Variants in NRXN1 observed in about 807,000 individuals in gnomAD.
NRXN1 encodes neurexin 1, also known as neurexin-1.
Under a neutral mutation model 150.9 loss-of-function variants are expected in NRXN1, and 39 were observed. That is an observed-to-expected ratio of 0.26 (90% CI 0.20 to 0.34). The LOEUF is 0.34. Among genes scored for constraint, NRXN1 ranks in the 10% least tolerant of loss-of-function variants. The pLI is 1.00. For synonymous variants in NRXN1, 924 were observed against 757.0 expected, an observed-to-expected ratio of 1.22 and a Z score of -3.62; for missense variants, 1,815 against 1,949.9, an observed-to-expected ratio of 0.93 and a Z score of 1.30.
At position 50,767,463 on chromosome 2, in the gene NRXN1, C is replaced by T. The variant is rs1470679790; in HGVS notation, c.833-143848G>A. Among the ~76,000 whole-genome samples, 6 of 152,052 alleles carry T rather than the reference C, an allele frequency of 3.9e-5. No homozygotes were observed. In the East Asian group the frequency reaches 1.2e-3, roughly 30 times the overall value. ...TTTTGTAAATGCTTACCAAATCAAT[C>T]CGTCCTTCTAGATTTTTATTTGGTG... is the stretch of plus-strand genomic sequence containing the variant. On this transcript the variant is annotated intron_variant, in intron 5 of 22. Coordinates refer to ENST00000401669, the MANE Select transcript of NRXN1 (RefSeq NM_001330078.2).
At chr2:49,942,208 G>T (rs1290606155) in intron 22 of NRXN1, among the ~76,000 whole-genome samples, 1 of 152,088 alleles carries the variant, frequency 6.6e-6, no homozygotes, top group Non-Finnish European at 1.5e-5. Context: ...GGAGCTGAGA[G>T]TCCTGACTGG....
At chr2:50,227,809 C>A (rs1195673919) in intron 18 of NRXN1, among the ~76,000 whole-genome samples, 1 of 151,948 alleles carries the variant, frequency 6.6e-6, no homozygotes, top group Non-Finnish European at 1.5e-5. Flanking sequence ...AATTGCTGTT[C>A]AGTAGGCAAG....
At chr2:50,822,107 T>G (rs946414855) in intron 5 of NRXN1, among the ~76,000 whole-genome samples, 8 of 152,100 alleles carry the variant, frequency 5.3e-5, no homozygotes, top group African/African-American at 1.9e-4. Flanking sequence ...TTTCAGAACT[T>G]TTACCAAATA....
intron 5 of NRXN1, among the ~76,000 whole-genome samples, chr2:50,735,680 C>T (rs749753218): frequency 1.3e-4 from 20 of 152,100 alleles, no homozygotes; most frequent in Non-Finnish European, 2.6e-4. Flanking sequence ...TATGCTACGT[C>T]CCTCAATTAG....
intron 5 of NRXN1, among the ~76,000 whole-genome samples, chr2:50,825,901 T>C (rs1670383515): frequency 6.6e-6 from 1 of 152,216 alleles, no homozygotes; most frequent in African/African-American, 2.4e-5. Context: ...GTTGGAGAAC[T>C]GCTGGCTTGA....
intron 5 of NRXN1, among the ~76,000 whole-genome samples, chr2:50,744,341 C>T (rs1301350257): frequency 6.6e-6 from 1 of 152,070 alleles, no homozygotes; most frequent in African/African-American, 2.4e-5. Context: ...ATCAAGACCT[C>T]ACAAGTGCTC....
intron 21 of NRXN1, among the ~76,000 whole-genome samples, chr2:50,003,590 A>T (rs1684291355): frequency 6.6e-6 from 1 of 152,166 alleles, no homozygotes; most frequent in Non-Finnish European, 1.5e-5. Flanking sequence ...CAGAATGTTC[A>T]GTATAAATGG....
At chr2:50,119,540 G>C (rs978515622) in intron 18 of NRXN1, among the ~76,000 whole-genome samples, 4 of 149,138 alleles carry the variant, frequency 2.7e-5, no homozygotes, top group South Asian at 4.2e-4. Context: ...ACAGGGAAGG[G>C]TTGAAAGAAA....
At chr2:50,602,785 T>C (rs1402315102) in intron 8 of NRXN1, among the ~76,000 whole-genome samples, 1 of 152,212 alleles carries the variant, frequency 6.6e-6, no homozygotes, top group Non-Finnish European at 1.5e-5. Flanking sequence ...ATCCATCTCT[T>C]CCACTGGCAT....
chr2:50,227,364 A>C (rs1326547726), intron 18 of NRXN1, among the ~76,000 whole-genome samples: 1 of 152,042 alleles, frequency 6.6e-6, no homozygotes, highest in Non-Finnish European at 1.5e-5. Context: ...TCAAATTGAC[A>C]ACTGAACAGG....
chr2:51,004,033 T>C (rs1403480654), intron 2 of NRXN1, among the ~76,000 whole-genome samples: 2 of 151,632 alleles, frequency 1.3e-5, no homozygotes, highest in African/African-American at 2.4e-5. Flanking sequence ...CTGTTTTTTG[T>C]TATTGTTGTT....
intron 8 of NRXN1, 82 bp downstream of exon 8, chr2:50,619,940 T>A: frequency 7.9e-7 from 1 of 1,270,634 alleles, no homozygotes; most frequent in Middle Eastern, 2.0e-4. Flanking sequence ...GAACATCGGG[T>A]CTTCAGCAAA....
chr2:50,237,737 A>C (rs2065595733), intron 17 of NRXN1, among the ~76,000 whole-genome samples: 1 of 151,978 alleles, frequency 6.6e-6, no homozygotes, highest in South Asian at 2.1e-4. Flanking sequence ...ATCCAGCTTA[A>C]ATGAAAAGAG....
chr2:50,975,310 A>G (rs1695645450), intron 2 of NRXN1, among the ~76,000 whole-genome samples: 1 of 152,164 alleles, frequency 6.6e-6, no homozygotes, highest in Admixed American at 6.6e-5. Context: ...AAGAACTTAA[A>G]GAGATCAAGA....
intron 17 of NRXN1, among the ~76,000 whole-genome samples, chr2:50,318,338 T>C (rs1264293073): frequency 6.6e-6 from 1 of 152,060 alleles, no homozygotes; most frequent in African/African-American, 2.4e-5. Context: ...GAAGTCATCA[T>C]CCCCCAGTGG....
At chr2:50,133,925 C>T (rs1705963566) in intron 18 of NRXN1, among the ~76,000 whole-genome samples, 1 of 152,092 alleles carries the variant, frequency 6.6e-6, no homozygotes, top group African/African-American at 2.4e-5. Context: ...AGCAGAACAC[C>T]TAATAAAAGT....
At chr2:49,997,171 G>C (rs2152528181) in intron 21 of NRXN1, among the ~76,000 whole-genome samples, 1 of 152,172 alleles carries the variant, frequency 6.6e-6, no homozygotes, top group African/African-American at 2.4e-5. Flanking sequence ...TGGACAGTTG[G>C]AGATGGAAAT....
At chr2:50,634,706 G>A (rs1422799500) in intron 5 of NRXN1, among the ~76,000 whole-genome samples, 2 of 152,130 alleles carry the variant, frequency 1.3e-5, no homozygotes, top group Admixed American at 6.6e-5. Context: ...AGTGGAGGAG[G>A]AAGATGTAGT....
At chr2:49,994,484 A>G (rs1007079452) in intron 21 of NRXN1, among the ~76,000 whole-genome samples, 2 of 152,196 alleles carry the variant, frequency 1.3e-5, no homozygotes, top group African/African-American at 4.8e-5. Flanking sequence ...ATCCAAAATA[A>G]TTTATTGCAT....
Sources: gnomAD v4.1 joint callset for allele counts (sites outside exome capture counted in the v4.1 genomes callset) on GRCh38, gnomAD v4.1.1 for gene constraint, MANE v1.5 for transcripts, NCBI Gene and HGNC (gene_info 2026-07-23, HGNC 2026-07-21) for gene names.